C12orf42: variants seen among roughly 807,000 people sequenced by gnomAD.
The protein encoded by C12orf42 is chromosome 12 open reading frame 42, also known as uncharacterized protein C12orf42.
Under a neutral mutation model 21.6 loss-of-function variants are expected in C12orf42, and 25 were observed. That is an observed-to-expected ratio of 1.16 (90% CI 0.84 to 1.62). The LOEUF (loss-of-function observed/expected upper bound fraction) is 1.62, where lower values mean the gene tolerates loss of function less well. C12orf42 is among the 40% of genes most tolerant of loss of function. C12orf42 has a pLI of 0.00. For missense variants in C12orf42, 483 were observed against 459.3 expected, an observed-to-expected ratio of 1.05 and a Z score of -0.47; for synonymous variants, 174 against 175.0, an observed-to-expected ratio of 0.99 and a Z score of 0.05.
At chr12:103,176,473 C>G in the C12orf42 span, among the ~76,000 whole-genome samples, 1 of 152,154 alleles carries the variant, frequency 6.6e-6, no homozygotes, top group Non-Finnish European at 1.5e-5. Flanking sequence ...TATCGGAGTT[C>G]CTGGCACACT....
At chr12:103,391,258 A>C (rs1166797717) in intron 3 of C12orf42, among the ~76,000 whole-genome samples, 1 of 152,100 alleles carries the variant, frequency 6.6e-6, no homozygotes, top group African/African-American at 2.4e-5. Flanking sequence ...CTGGTATACA[A>C]GTATCCATTT....
At chr12:103,537,017 G>A in the C12orf42 span, among the ~76,000 whole-genome samples, 1 of 151,470 alleles carries the variant, frequency 6.6e-6, no homozygotes, top group Non-Finnish European at 1.5e-5. Flanking sequence ...TTTTTTAATT[G>A]TATTCACTAC....
the C12orf42 span, among the ~76,000 whole-genome samples, chr12:103,554,720 G>C: frequency 5.8e-4 from 89 of 152,274 alleles, no homozygotes; most frequent in African/African-American, 2.1e-3. Flanking sequence ...AAGAAAGAGA[G>C]AGAGAAGGGG....
chr12:103,205,098 C>G, the C12orf42 span, among the ~76,000 whole-genome samples: 2 of 151,956 alleles, frequency 1.3e-5, no homozygotes, highest in Non-Finnish European at 2.9e-5. Flanking sequence ...TAAAAACAAG[C>G]AAACAACAAA....
chr12:103,178,410 G>A, the C12orf42 span: 1 of 152,192 alleles, frequency 6.6e-6, no homozygotes, highest in African/African-American at 2.4e-5. Context: ...TTGGCTGTTT[G>A]GGTCAATTGT....
chr12:103,063,667 GA>G, the C12orf42 span, among the ~76,000 whole-genome samples: 67 of 152,126 alleles, frequency 4.4e-4, no homozygotes, highest in African/African-American at 1.6e-3. Flanking sequence ...TTTTCCTCAG[GA>G]GCTACCCGAA....
At chr12:103,480,828 A>C (rs1954414894) in intron 1 of C12orf42, among the ~76,000 whole-genome samples, 1 of 151,662 alleles carries the variant, frequency 6.6e-6, no homozygotes, top group African/African-American at 2.4e-5. Context: ...AATTTTAATA[A>C]ATATTTCATA....
chr12:103,435,421 GAGA>G (rs1264401559), intron 2 of C12orf42, among the ~76,000 whole-genome samples: 5 of 152,234 alleles, frequency 3.3e-5, no homozygotes, highest in African/African-American at 9.7e-5. Flanking sequence ...GATGAGCTGA[GAGA>G]AGAAGGCTTC....
the C12orf42 span, among the ~76,000 whole-genome samples, chr12:103,207,168 T>G: frequency 6.6e-6 from 1 of 152,190 alleles, no homozygotes; most frequent in Non-Finnish European, 1.5e-5. Flanking sequence ...GGTTGCTCCC[T>G]CCACCTGAGT....
At chr12:103,074,922 C>T in the C12orf42 span, among the ~76,000 whole-genome samples, 1 of 151,628 alleles carries the variant, frequency 6.6e-6, no homozygotes, top group Non-Finnish European at 1.5e-5. Context: ...TTTGTCTCTA[C>T]AAAAATAATA....
the C12orf42 span, among the ~76,000 whole-genome samples, chr12:103,176,001 G>A: frequency 6.6e-6 from 1 of 151,980 alleles, no homozygotes; most frequent in Non-Finnish European, 1.5e-5. Flanking sequence ...GAAATTGCTT[G>A]CTGCTGCTCC....
chr12:103,456,744 TAGAAACTGC>T (rs1952323277), intron 2 of C12orf42, among the ~76,000 whole-genome samples: 1 of 152,192 alleles, frequency 6.6e-6, no homozygotes. Context: ...ATGTAGACCT[TAGAAACTGC>T]ATTGTGGTTT....
At chr12:103,556,276 C>A in the C12orf42 span, among the ~76,000 whole-genome samples, 14 of 152,238 alleles carry the variant, frequency 9.2e-5, no homozygotes, top group Non-Finnish European at 5.9e-5. Context: ...ATTGTCTGGA[C>A]CAGTATAAGC....
chr12:103,520,761 A>C, the C12orf42 span, among the ~76,000 whole-genome samples: 1 of 152,252 alleles, frequency 6.6e-6, no homozygotes, highest in Admixed American at 6.5e-5. Flanking sequence ...ATTAAGGAAA[A>C]AAATGGAACT....
At chr12:103,190,569 G>C in the C12orf42 span, among the ~76,000 whole-genome samples, 1 of 152,042 alleles carries the variant, frequency 6.6e-6, no homozygotes, top group Non-Finnish European at 1.5e-5. Flanking sequence ...TCATAAAAAA[G>C]AACAAAACAA....
chr12:103,052,574 A>C, the C12orf42 span, among the ~76,000 whole-genome samples: 1 of 152,164 alleles, frequency 6.6e-6, no homozygotes, highest in East Asian at 1.9e-4. Flanking sequence ...GGATATAAAC[A>C]TTTTATCAAA....
the C12orf42 span, among the ~76,000 whole-genome samples, chr12:103,507,282 T>TA: frequency 1.4e-5 from 1 of 69,632 alleles, no homozygotes; most frequent in Non-Finnish European, 2.2e-5. Context: ...ATTATATATA[T>TA]TTTTTTTTAA....
At chr12:103,447,377 C>T (rs765306272) in intron 2 of C12orf42, among the ~76,000 whole-genome samples, 88 of 151,916 alleles carry the variant, frequency 5.8e-4, no homozygotes, top group Non-Finnish European at 1.0e-3. Flanking sequence ...CCCTGAGAAT[C>T]GGAACAAGAC....
intron 4 of C12orf42, among the ~76,000 whole-genome samples, chr12:103,296,141 G>A (rs532761974): frequency 7.3e-5 from 11 of 151,692 alleles, no homozygotes; most frequent in Middle Eastern, 3.4e-3. Context: ...GTGATAGTTT[G>A]CTGAGAATGA....
Sources: gnomAD v4.1 joint callset for allele counts (sites outside exome capture counted in the v4.1 genomes callset) on GRCh38, gnomAD v4.1.1 for gene constraint, MANE v1.5 for transcripts, NCBI Gene and HGNC (gene_info 2026-07-23, HGNC 2026-07-21) for gene names.